WDPCP: variants seen among roughly 807,000 people sequenced by gnomAD.
WDPCP encodes WD repeat-containing and planar cell polarity effector protein fritz homolog.
In WDPCP, 71 loss-of-function variants were observed where a neutral mutation model predicts 93.1. The observed-to-expected ratio is 0.76, with a 90% CI of 0.63 to 0.93. The LOEUF (loss-of-function observed/expected upper bound fraction) is 0.93, where lower values mean the gene tolerates loss of function less well. Ranked by LOEUF, WDPCP falls within the 40% of genes least tolerant of loss-of-function variation. The probability of loss-of-function intolerance (pLI) is 0.00; values close to 1 mark genes in which losing one functional copy is unlikely to be tolerated. For missense variants in WDPCP, 844 were observed against 887.4 expected (o/e 0.95, Z 0.62); for synonymous variants, 315 against 315.0 (o/e 1.00, Z 0.00).
At position 63,471,135 on chromosome 2, in the gene WDPCP, C is replaced by T. The variant is rs563257270; in HGVS notation, c.384+13469G>A. 7.9e-5 allele frequency among the ~76,000 whole-genome samples: 12 copies of T among 152,330 alleles called. 2 individuals are homozygous for T. The South Asian group carries it at 2.5e-3, about 32-fold the overall frequency. On this transcript the variant is annotated intron_variant, in intron 6 of 17. Transcript: ENST00000272321. ...ATTCATCTTTTCTTGACTCTGTCCT[C>T]TTTTAGAACATAAGCTACATGAGAA... is the stretch of plus-strand genomic sequence containing the variant.
chr2:63,540,420 C>T (rs768578204), intron 1 of WDPCP, among the ~76,000 whole-genome samples: 1 of 152,072 alleles, frequency 6.6e-6, no homozygotes, highest in Non-Finnish European at 1.5e-5. Flanking sequence ...GTATAAAGAC[C>T]TCCTCTCATG....
chr2:63,383,606 G>A (rs753922088), intron 10 of WDPCP, among the ~76,000 whole-genome samples: 10 of 152,062 alleles, frequency 6.6e-5, no homozygotes, highest in Admixed American at 1.3e-4. Context: ...ACAGCTACTC[G>A]GGAGGCTGCA....
intron 2 of WDPCP, among the ~76,000 whole-genome samples, chr2:63,488,269 T>C (rs1700684039): frequency 6.6e-6 from 1 of 152,106 alleles, no homozygotes; most frequent in Non-Finnish European, 1.5e-5. Context: ...ATAAAGAGTA[T>C]ACAACTGTTT....
chr2:63,347,415 A>T (rs557606270), intron 12 of WDPCP, among the ~76,000 whole-genome samples: 1 of 152,274 alleles, frequency 6.6e-6, no homozygotes, highest in East Asian at 1.9e-4. Context: ...TATTTTTGCT[A>T]AATCTGGCAA....
chr2:63,151,957 C>A (rs1343738786), intron 17 of WDPCP, among the ~76,000 whole-genome samples: 1 of 152,058 alleles, frequency 6.6e-6, no homozygotes, highest in African/African-American at 2.4e-5. Context: ...TCAAGTCTCA[C>A]AATAAATCCT....
At chr2:63,396,521 G>GAAT (rs1490133016) in intron 10 of WDPCP, among the ~76,000 whole-genome samples, 2 of 152,130 alleles carry the variant, frequency 1.3e-5, no homozygotes, top group Non-Finnish European at 2.9e-5. Context: ...TAGGCAAAGG[G>GAAT]AATACTATCA....
chr2:63,360,902 A>G (rs1690396073), intron 12 of WDPCP, among the ~76,000 whole-genome samples: 1 of 152,258 alleles, frequency 6.6e-6, no homozygotes, highest in Non-Finnish European at 1.5e-5. Flanking sequence ...CACAGAGTCA[A>G]TGCAGGCAGC....
intron 14 of WDPCP, among the ~76,000 whole-genome samples, chr2:63,220,079 C>A (rs1239612742): frequency 6.6e-6 from 1 of 152,096 alleles, no homozygotes; most frequent in East Asian, 1.9e-4. Flanking sequence ...TTGACTGCAC[C>A]TCCTTCTTCT....
At chr2:63,132,254 A>G (rs994470062) in intron 17 of WDPCP, among the ~76,000 whole-genome samples, 1 of 151,896 alleles carries the variant, frequency 6.6e-6, no homozygotes, top group African/African-American at 2.4e-5. Context: ...TTTCTCTTGT[A>G]GCTCTCAAGA....
the WDPCP span, among the ~76,000 whole-genome samples, chr2:63,839,244 G>A: frequency 6.6e-6 from 1 of 152,128 alleles, no homozygotes; most frequent in East Asian, 1.9e-4. Context: ...ACTGATCATC[G>A]TTTCTTATAA....
chr2:63,317,099 C>T (rs568354162), intron 12 of WDPCP, among the ~76,000 whole-genome samples: 9 of 152,004 alleles, frequency 5.9e-5, no homozygotes, highest in African/African-American at 1.9e-4. Context: ...AGAATCAATA[C>T]CGTTAAAATG....
chr2:63,766,281 T>A (rs1020044082), intron 2 of WDPCP, among the ~76,000 whole-genome samples: 5 of 152,184 alleles, frequency 3.3e-5, no homozygotes, highest in African/African-American at 7.2e-5. Context: ...GGTATGTTTT[T>A]AAAATATATT....
chr2:63,588,066 C>A (rs1399131585), intron 1 of WDPCP, 131 bp downstream of exon 1: 1 of 1,148,062 alleles, frequency 8.7e-7, no homozygotes, highest in East Asian at 2.6e-5. Flanking sequence ...CCCTCATACT[C>A]CGCTCAGAAA....
At chr2:63,254,768 C>T (rs1310536589) in intron 14 of WDPCP, among the ~76,000 whole-genome samples, 1 of 152,170 alleles carries the variant, frequency 6.6e-6, no homozygotes, top group African/African-American at 2.4e-5. Flanking sequence ...TCAAATGTAT[C>T]CTTTCTAGAT....
intron 12 of WDPCP, among the ~76,000 whole-genome samples, chr2:63,362,407 T>C (rs755414503): frequency 4.8e-4 from 72 of 151,336 alleles, no homozygotes; most frequent in Non-Finnish European, 9.1e-4. Flanking sequence ...ACTAGAAAAT[T>C]TGTTATTATT....
chr2:63,287,967 C>G (rs960004319), intron 13 of WDPCP, among the ~76,000 whole-genome samples: 2 of 152,168 alleles, frequency 1.3e-5, no homozygotes, highest in Admixed American at 6.5e-5. Flanking sequence ...TAAAACTCCT[C>G]TATATAAAAA....
intron 13 of WDPCP, among the ~76,000 whole-genome samples, chr2:63,311,091 T>A (rs576510357): frequency 3.3e-5 from 5 of 152,340 alleles, no homozygotes; most frequent in Non-Finnish European, 5.9e-5. Flanking sequence ...TCATGTTGTA[T>A]GCCTTGTAAC....
intron 14 of WDPCP, among the ~76,000 whole-genome samples, chr2:63,240,895 G>GGTAA (rs1679809666): frequency 6.6e-6 from 1 of 151,926 alleles, no homozygotes; most frequent in Admixed American, 6.6e-5. Flanking sequence ...TTTATGACTA[G>GGTAA]GTAAGTTCTG....
chr2:63,378,866 C>T (rs17616913), intron 11 of WDPCP, among the ~76,000 whole-genome samples: 5,042 of 152,198 alleles, frequency 0.033, 124 homozygotes, highest in Non-Finnish European at 0.047. Context: ...CATTTACTGT[C>T]TTTGGCTAAA....
Sources: gnomAD v4.1 joint callset for allele counts (sites outside exome capture counted in the v4.1 genomes callset) on GRCh38, gnomAD v4.1.1 for gene constraint, MANE v1.5 for transcripts, NCBI Gene and HGNC (gene_info 2026-07-23, HGNC 2026-07-21) for gene names.